The following DPYSL2 variants were observed in gnomAD, a reference collection of about 807,000 sequenced individuals.
DPYSL2 encodes the protein dihydropyrimidinase like 2, also known as dihydropyrimidinase-related protein 2.
A neutral mutation model predicts 69.9 loss-of-function variants in DPYSL2; 13 were observed. That is an observed-to-expected ratio of 0.19 (90% CI 0.12 to 0.30). The LOEUF (loss-of-function observed/expected upper bound fraction) is 0.30, where lower values mean the gene tolerates loss of function less well. DPYSL2 is among the 10% of genes least tolerant of loss of function. The pLI is 1.00. For missense variants in DPYSL2, 587 were observed against 918.9 expected (o/e 0.64, Z 4.67); for synonymous variants, 326 against 359.1 (o/e 0.91, Z 1.04).
Position 26,598,016 on chromosome 8 carries a change from G to A in DPYSL2, c.628+14033G>A, listed in dbSNP as rs556805948. 2.2e-4 allele frequency among the ~76,000 whole-genome samples: 34 copies of A among 152,198 alleles called. No individual in the cohort carries two copies. In the East Asian group the frequency reaches 2.5e-3, roughly 11 times the overall value. On this transcript the variant is annotated intron_variant, in intron 3 of 13. Coordinates refer to ENST00000521913, the MANE Select transcript of DPYSL2 (RefSeq NM_001197293.3). The surrounding 1 kb of genome is among the most constrained non-coding windows in gnomAD (Gnocchi z 4.2). ...TATTAGCTCAGGCTCGGTGCCCCAC[G>A]GCTTGGTCCTGGTTTTCTGAATCGT... is the stretch of plus-strand genomic sequence containing the variant.
intron 3 of DPYSL2, among the ~76,000 whole-genome samples, chr8:26,584,470 G>A (rs181364089): frequency 1.3e-5 from 2 of 152,250 alleles, no homozygotes; most frequent in Non-Finnish European, 1.5e-5. Flanking sequence ...AAATGGAGAC[G>A]ATACTCTCTA....
Position 26,626,512 on chromosome 8 carries a change from CA to C in DPYSL2, c.794-104del, listed in dbSNP as rs1802616253. ...ACACACACACACACACACACACACA[CA>C]CACACACACGTACACACACAGACAG... On this transcript the variant is annotated intron_variant, in intron 4 of 13. Transcript: ENST00000521913. The surrounding 1 kb of genome is among the most constrained non-coding windows in gnomAD (Gnocchi z 4.3). The C allele has an allele frequency of 3.3e-6, 3 of 906,532 alleles. No homozygotes were observed. Among genetic ancestry groups the C allele is most frequent in the Admixed American group, 2.0e-5 (1 of 51,162 alleles). The allele number at this position is 906,532 out of a possible 1,614,324, so 56.2% of individuals were successfully genotyped here.
In DPYSL2 at chr8:26,652,496, A is replaced by T; in HGVS notation, c.1776+60A>T. 2 of 1,508,940 alleles carry T rather than the reference A, an allele frequency of 1.3e-6. No individual in the cohort carries two copies. The allele number at this position is 1,508,940 out of a possible 1,614,324, so 93.5% of individuals were successfully genotyped here. A position where few individuals can be genotyped will look rare whatever the true frequency, so the allele number is the denominator to read the frequency against. Reference sequence around the variant, plus strand: ...ATCACGAATTAAGTTCAAGGCCACAAACATTTATTAAGCACCTTGAGACAG... The same window carrying T: ...ATCACGAATTAAGTTCAAGGCCACATACATTTATTAAGCACCTTGAGACAG... On this transcript the variant is annotated intron_variant, in intron 12 of 13. Coordinates refer to ENST00000521913, the MANE Select transcript of DPYSL2 (RefSeq NM_001197293.3). This position sits in a 1 kb window ranked among gnomAD's most constrained non-coding sequence, Gnocchi z 6.3.
At chr8:26,622,158 CCT>C (rs1554544256) in intron 3 of DPYSL2, among the ~76,000 whole-genome samples, 1 of 36,354 alleles carries the variant, frequency 2.8e-5, no homozygotes, top group African/African-American at 9.7e-5. Context: ...TCCTTCCTTC[CCT>C]CTCTCTCTCT....
In DPYSL2 at chr8:26,564,477, A is replaced by T. The variant is rs1801119456; in HGVS notation, c.355-17492A>T. ...GGGAAACAGCATGGATTTGGGAATA[A>T]TCCTTGAATGGGCTGACGTCTTCCT... On this transcript the variant is annotated intron_variant, in intron 1 of 13. Transcript: ENST00000521913. The surrounding 1 kb of genome is among the most constrained non-coding windows in gnomAD (Gnocchi z 4.8). Among the ~76,000 whole-genome samples the T allele has an allele frequency of 1.3e-5, 2 of 152,154 alleles. No homozygotes were observed. Among genetic ancestry groups the T allele is most frequent in the African/African-American group, 4.8e-5 (2 of 41,434 alleles).
At chr8:26,601,238 A>G (rs1270102434) in intron 3 of DPYSL2, among the ~76,000 whole-genome samples, 1 of 152,218 alleles carries the variant, frequency 6.6e-6, no homozygotes, top group Non-Finnish European at 1.5e-5. Context: ...CCATGAGAGC[A>G]TCGCAGAAGG....
intron 3 of DPYSL2, among the ~76,000 whole-genome samples, chr8:26,599,045 C>T (rs919242967): frequency 6.6e-6 from 1 of 152,204 alleles, no homozygotes; most frequent in African/African-American, 2.4e-5. Context: ...GCCTGTTGTC[C>T]ATCTTAGTCC....
At chr8:26,584,210 T>G (rs1563396950) in intron 3 of DPYSL2, among the ~76,000 whole-genome samples, 2 of 152,242 alleles carry the variant, frequency 1.3e-5, no homozygotes, top group South Asian at 2.1e-4. Context: ...CTAAGGAGTT[T>G]GGTAAGATGA....
intron 7 of DPYSL2, among the ~76,000 whole-genome samples, chr8:26,632,477 A>G (rs1331791708): frequency 6.6e-6 from 1 of 152,166 alleles, no homozygotes; most frequent in East Asian, 1.9e-4. Context: ...GGCCTTGTAG[A>G]ATGACAGATG....
intron 3 of DPYSL2, among the ~76,000 whole-genome samples, chr8:26,611,194 C>G (rs1017530668): frequency 9.2e-5 from 14 of 152,234 alleles, no homozygotes; most frequent in Non-Finnish European, 1.9e-4. Flanking sequence ...GTAGTAGATT[C>G]CTTGTGGCTT....
At chr8:26,596,336 T>G (rs982514970) in intron 3 of DPYSL2, among the ~76,000 whole-genome samples, 1 of 152,212 alleles carries the variant, frequency 6.6e-6, no homozygotes, top group Non-Finnish European at 1.5e-5. Flanking sequence ...TATATCCTAC[T>G]AAAAATGATT....
In DPYSL2 at chr8:26,643,902, C is replaced by A. The variant is rs753941982; in HGVS notation, c.1284-48C>A. ...AGCCCACCAAATAGGTGTAGGCGCACAGCATCTTGACGAAGCTGCAGCACC... is the reference window on the plus strand; with the variant it reads ...AGCCCACCAAATAGGTGTAGGCGCAAAGCATCTTGACGAAGCTGCAGCACC... On this transcript the variant is annotated intron_variant, in intron 9 of 13. Coordinates refer to ENST00000521913, the MANE Select transcript of DPYSL2 (RefSeq NM_001197293.3). The surrounding 1 kb of genome is among the most constrained non-coding windows in gnomAD (Gnocchi z 6.5). 2 of 1,590,672 alleles carry A rather than the reference C, an allele frequency of 1.3e-6. No individual in the cohort carries two copies. Among genetic ancestry groups the A allele is most frequent in the Admixed American group, 3.4e-5 (2 of 58,028 alleles).
At chr8:26,561,775 C>T (rs527679089) in intron 1 of DPYSL2, among the ~76,000 whole-genome samples, 3 of 152,272 alleles carry the variant, frequency 2.0e-5, no homozygotes, top group East Asian at 3.9e-4. Flanking sequence ...CTCCCATGTG[C>T]AGTTCACAGT....
rs1267021510 is a variant in DPYSL2, at chr8:26,653,795, AT to A, written c.1942+399del. Among the ~76,000 whole-genome samples, 1 of 152,104 alleles carries A rather than the reference AT, an allele frequency of 6.6e-6. No homozygotes were observed. The highest frequency in any genetic ancestry group is 2.4e-5 in the African/African-American group (1 of 41,420). On this transcript the variant is annotated intron_variant, in intron 13 of 13. Coordinates refer to ENST00000521913, the MANE Select transcript of DPYSL2 (RefSeq NM_001197293.3). The surrounding 1 kb of genome is among the most constrained non-coding windows in gnomAD (Gnocchi z 5.7). Reference sequence around the variant, plus strand: ...CTGATAGAACTCCTGACTTCAGGTGATCTGCCCGCCTCGGCCTCCCAAAGTG... The same window carrying A: ...CTGATAGAACTCCTGACTTCAGGTGACTGCCCGCCTCGGCCTCCCAAAGTG...
intron 1 of DPYSL2, among the ~76,000 whole-genome samples, chr8:26,544,860 A>G (rs929240602): frequency 6.6e-6 from 1 of 152,236 alleles, no homozygotes; most frequent in Non-Finnish European, 1.5e-5. Context: ...AGGGGGCTAT[A>G]CTTATATCAG....
At position 26,648,164 on chromosome 8, in the gene DPYSL2, CA is replaced by C. The variant is rs753457556; in HGVS notation, c.1596+365del. ...CTTGGTGCAAGGGACCTCAATGAAG[CA>C]GTGAGATGTCCTCTCCTGAGATGCC... is the stretch of plus-strand genomic sequence containing the variant. On this transcript the variant is annotated intron_variant, in intron 11 of 13. Transcript: ENST00000521913. This position sits in a 1 kb window ranked among gnomAD's most constrained non-coding sequence, Gnocchi z 4.3. Among the ~76,000 whole-genome samples the C allele has an allele frequency of 6.6e-6, 1 of 152,174 alleles. No homozygotes were observed. The highest frequency in any genetic ancestry group is 1.5e-5 in the Non-Finnish European group (1 of 68,040).
chr8:26,586,254 T>G lies in DPYSL2; in HGVS notation c.628+2271T>G, dbSNP rs921659939. 2.0e-5 allele frequency among the ~76,000 whole-genome samples: 3 copies of G among 152,184 alleles called. No individual in the cohort carries two copies. The highest frequency in any genetic ancestry group is 7.2e-5 in the African/African-American group (3 of 41,444). On this transcript the variant is annotated intron_variant, in intron 3 of 13. Transcript: ENST00000521913. This position sits in a 1 kb window ranked among gnomAD's most constrained non-coding sequence, Gnocchi z 4.7. ...GTGACCTTGAGTCACTACCCTACTC[T>G]GTGTTCTAGCTGTGTGTCTCCAGTG...
At position 26,564,448 on chromosome 8, in the gene DPYSL2, G is replaced by C. The variant is rs368343447; in HGVS notation, c.355-17521G>C. 6.6e-6 allele frequency among the ~76,000 whole-genome samples: 1 copy of C among 152,148 alleles called. No individual in the cohort carries two copies. Among genetic ancestry groups the C allele is most frequent in the South Asian group, 2.1e-4 (1 of 4,830 alleles). On this transcript the variant is annotated intron_variant, in intron 1 of 13. Coordinates refer to ENST00000521913, the MANE Select transcript of DPYSL2 (RefSeq NM_001197293.3). The surrounding 1 kb of genome is among the most constrained non-coding windows in gnomAD (Gnocchi z 4.8). ...GACTTTGAGATTTGGGAGCAGGCCG[G>C]GGTGGGAAACAGCATGGATTTGGGA... is the stretch of plus-strand genomic sequence containing the variant.
intron 8 of DPYSL2, among the ~76,000 whole-genome samples, chr8:26,638,579 C>T (rs577294531): frequency 1.4e-4 from 22 of 152,170 alleles, no homozygotes; most frequent in Non-Finnish European, 2.8e-4. Context: ...TTCCATCAGC[C>T]GCTCTGTGGC....
Sources: allele counts gnomAD v4.1 joint callset (sites outside exome capture counted in the v4.1 genomes callset), GRCh38; gene constraint gnomAD v4.1.1; non-coding constraint Gnocchi (gnomAD v3.1); transcripts MANE v1.5; gene names NCBI Gene and HGNC (gene_info 2026-07-23, HGNC 2026-07-21).